The following GLI3 variants were observed in gnomAD, a reference collection of about 807,000 sequenced individuals.
The protein encoded by GLI3 is GLI family zinc finger 3.
In GLI3, 20 loss-of-function variants were observed where a neutral mutation model predicts 100.8. The ratio of observed to expected loss-of-function variants is 0.20; its 90% confidence interval spans 0.14 to 0.29. GLI3 has a LOEUF of 0.29. Among genes scored for constraint, GLI3 ranks in the 10% least tolerant of loss-of-function variants. The pLI, the probability that GLI3 is intolerant of heterozygous loss-of-function variation, is 1.00. For missense variants in GLI3, 2,040 were observed against 2,128.5 expected (o/e 0.96, Z 0.82); for synonymous variants, 938 against 860.5 (o/e 1.09, Z -1.58).
At chr7:42,057,161 A>G (rs1267652406) in intron 4 of GLI3, among the ~76,000 whole-genome samples, 4 of 152,220 alleles carry the variant, frequency 2.6e-5, no homozygotes, top group Non-Finnish European at 5.9e-5. Context: ...CACTTCTTAC[A>G]TATTAAAAAT....
At chr7:42,247,317 G>T (rs1306578556) in intron 1 of GLI3, among the ~76,000 whole-genome samples, 2 of 152,122 alleles carry the variant, frequency 1.3e-5, no homozygotes, top group African/African-American at 2.4e-5. Context: ...GCCCCCAGTT[G>T]TATGGGCCGG....
chr7:42,214,162 C>T (rs1466415353), intron 2 of GLI3, among the ~76,000 whole-genome samples: 1 of 152,164 alleles, frequency 6.6e-6, no homozygotes, highest in Non-Finnish European at 1.5e-5. Flanking sequence ...CTCGTTTTAG[C>T]AAATTATCCC....
intron 3 of GLI3, among the ~76,000 whole-genome samples, chr7:42,138,232 C>G (rs766134006): frequency 6.6e-5 from 10 of 152,124 alleles, no homozygotes; most frequent in Non-Finnish European, 1.5e-4. Context: ...AGGCAGGTCA[C>G]GTCAGCAGTG....
chr7:42,129,447 G>A (rs62443793), intron 3 of GLI3, among the ~76,000 whole-genome samples: 5 of 152,208 alleles, frequency 3.3e-5, no homozygotes, highest in Non-Finnish European at 7.3e-5. Flanking sequence ...GACATGGTGC[G>A]TAGAGAAGCA....
intron 4 of GLI3, among the ~76,000 whole-genome samples, chr7:42,072,487 C>T (rs1317164701): frequency 2.6e-5 from 4 of 152,118 alleles, no homozygotes; most frequent in Non-Finnish European, 4.4e-5. Context: ...AAACAAAAAA[C>T]ACACACTCAA....
chr7:42,001,352 T>G (rs1443293041), intron 10 of GLI3, among the ~76,000 whole-genome samples: 1 of 151,956 alleles, frequency 6.6e-6, no homozygotes, highest in African/African-American at 2.4e-5. Context: ...GGAATAGGAT[T>G]CTATGATCAA....
chr7:42,149,654 C>A (rs1562759005), intron 2 of GLI3, among the ~76,000 whole-genome samples: 1 of 152,086 alleles, frequency 6.6e-6, no homozygotes. Flanking sequence ...AAACCGTTTC[C>A]TATTCCTATC....
intron 2 of GLI3, among the ~76,000 whole-genome samples, chr7:42,199,861 GC>G (rs1562783224): frequency 6.6e-6 from 1 of 152,142 alleles, no homozygotes; most frequent in African/African-American, 2.4e-5. Flanking sequence ...TTCGAGACCA[GC>G]CTGGCCTACA....
chr7:42,242,292 C>T (rs1475874001), upstream of GLI3, among the ~76,000 whole-genome samples: 4 of 152,222 alleles, frequency 2.6e-5, no homozygotes. Flanking sequence ...TGGCCACAGT[C>T]GCTACCACTC....
chr7:41,994,955 A>G (rs536407453), intron 10 of GLI3, among the ~76,000 whole-genome samples: 2 of 152,240 alleles, frequency 1.3e-5, no homozygotes, highest in Non-Finnish European at 2.9e-5. Context: ...ATACCAGAGC[A>G]ACTGGTTAAA....
chr7:42,113,335 C>G (rs1386726353), intron 3 of GLI3: 11 of 631,788 alleles, frequency 1.7e-5, no homozygotes, highest in Non-Finnish European at 2.9e-5. Context: ...CTGTGCCCAG[C>G]ACCTACGTCC....
chr7:42,083,747 T>C (rs1169562801), intron 3 of GLI3, among the ~76,000 whole-genome samples: 1 of 152,224 alleles, frequency 6.6e-6, no homozygotes, highest in Non-Finnish European at 1.5e-5. Context: ...TTCAATGCAC[T>C]TTCTTCATAT....
intron 2 of GLI3, among the ~76,000 whole-genome samples, chr7:42,157,036 C>T (rs964798029): frequency 6.6e-6 from 1 of 152,176 alleles, no homozygotes; most frequent in Non-Finnish European, 1.5e-5. Context: ...AGGAATCAGG[C>T]GCTCCTGGAG....
At chr7:42,224,198 T>G (rs1788543023) in intron 1 of GLI3, among the ~76,000 whole-genome samples, 1 of 152,210 alleles carries the variant, frequency 6.6e-6, no homozygotes, top group South Asian at 2.1e-4. Context: ...AAAAGTACCC[T>G]CTCTAGCATG....
chr7:42,115,564 T>G (rs1785832478), intron 3 of GLI3, among the ~76,000 whole-genome samples: 1 of 152,204 alleles, frequency 6.6e-6, no homozygotes. Context: ...GATGTTACAT[T>G]AACTCTGTCA....
At chr7:42,211,247 C>G (rs923461755) in intron 2 of GLI3, among the ~76,000 whole-genome samples, 1 of 151,446 alleles carries the variant, frequency 6.6e-6, no homozygotes, top group African/African-American at 2.4e-5. Flanking sequence ...CACATGTTTT[C>G]TATAAATCAA....
At chr7:42,034,068 G>A (rs1387080522) in intron 7 of GLI3, among the ~76,000 whole-genome samples, 1 of 152,182 alleles carries the variant, frequency 6.6e-6, no homozygotes, top group Non-Finnish European at 1.5e-5. Flanking sequence ...CTCAATGAAC[G>A]TGAATGGCAA....
At chr7:41,968,735 A>AGAAAGAAAGAAAGAAAGAAAGAAG (rs1787271817) in intron 13 of GLI3, among the ~76,000 whole-genome samples, 3 of 122,782 alleles carry the variant, frequency 2.4e-5, no homozygotes, top group African/African-American at 1.2e-4. Context: ...AAAGAAAGAA[A>AGAAAGAAAGAAAGAAAGAAAGAAG]GAAAGAAAGA....
intron 4 of GLI3, among the ~76,000 whole-genome samples, chr7:42,049,134 A>C (rs1370158119): frequency 6.6e-6 from 1 of 152,228 alleles, no homozygotes; most frequent in East Asian, 1.9e-4. Flanking sequence ...AGAAAAAAGA[A>C]AGGGAAAGAA....
Sources: gnomAD v4.1 joint callset for allele counts (sites outside exome capture counted in the v4.1 genomes callset) on GRCh38, gnomAD v4.1.1 for gene constraint, MANE v1.5 for transcripts, NCBI Gene and HGNC (gene_info 2026-07-23, HGNC 2026-07-21) for gene names.